Variants in IRX4 observed in about 807,000 individuals in gnomAD.
The protein encoded by IRX4 is iroquois-class homeodomain protein IRX-4.
In IRX4, 22 loss-of-function variants were observed where a neutral mutation model predicts 32.0. The observed-to-expected ratio is 0.69, with a 90% CI of 0.49 to 0.98. IRX4 has a LOEUF of 0.98. Ranked by LOEUF, IRX4 falls within the 50% of genes least tolerant of loss-of-function variation. IRX4 has a pLI of 0.00. For missense variants in IRX4, 840 were observed against 744.2 expected, an observed-to-expected ratio of 1.13 and a Z score of -1.50; for synonymous variants, 379 against 351.7, an observed-to-expected ratio of 1.08 and a Z score of -0.87.
At chr5:1,885,241 C>T (rs1015147296), upstream of IRX4, among the ~76,000 whole-genome samples, 6 of 152,308 alleles carry the variant, frequency 3.9e-5, no homozygotes, top group Non-Finnish European at 8.8e-5. Context: ...GGAGCCGAAG[C>T]CCCAGAACAG....
rs146458207 is a variant in IRX4, at chr5:1,879,777, T to C, written c.463A>G (p.Ser155Gly). The change falls in exon 4 of 5, where the codon AGC becomes GGC. Residue 155 changes from serine (S) to glycine (G), a missense_variant. Coordinates refer to ENST00000231357, the MANE Select transcript of IRX4 (RefSeq NM_016358.3). ...TCCTGCAGCCAGGCCTTGAGCGTGC[T>C]GGTGGTCTCGCGCGTGGCGTTCTTG... is the stretch of plus-strand genomic sequence containing the variant. The part of the protein sequence containing the change: ...RRKNATRETT[S>G]TLKAWLQEHR... The C allele has an allele frequency of 6.2e-7, 1 of 1,614,164 alleles. No homozygotes were observed. Among genetic ancestry groups the C allele is most frequent in the Non-Finnish European group, 8.5e-7 (1 of 1,180,032 alleles).
At chr5:1,880,693 G>A in intron 3 of IRX4, 32 bp downstream of exon 3, 1 of 1,441,842 alleles carries the variant, frequency 6.9e-7, no homozygotes, top group South Asian at 1.1e-5. Flanking sequence ...GGCCCGTGGG[G>A]CTAGTGCTGG....
chr5:1,882,522 G>C, intron 1 of IRX4, 81 bp downstream of exon 1: 1 of 1,253,022 alleles, frequency 8.0e-7, no homozygotes, highest in Non-Finnish European at 1.1e-6. Flanking sequence ...GTCGTAGGTC[G>C]GACACTCCCC....
upstream of IRX4, among the ~76,000 whole-genome samples, chr5:1,883,638 G>A (rs1478201802): frequency 6.6e-6 from 1 of 152,174 alleles, no homozygotes; most frequent in Non-Finnish European, 1.5e-5. Flanking sequence ...TGCGCCCACC[G>A]GCTTTGCACC....
rs1349591604 is a variant in IRX4 at position 1,878,122 on chromosome 5, A to G, written c.1407T>C (p.Pro469=). 1 of 1,545,558 alleles carries G rather than the reference A, an allele frequency of 6.5e-7. No individual in the cohort carries two copies. The highest frequency in any genetic ancestry group is 2.4e-5 in the East Asian group (1 of 41,580). The change falls in exon 5 of 5, where the codon CCT becomes CCC. Residue 469 remains proline (P), a synonymous_variant. Transcript: ENST00000231357. ...TAKGALLDPG[P]LGRSLGAGAN... ...CGCCCGCCCCCAGCGAGCGTCCCAGAGGCCCGGGGTCCAGGAGGGCGCCCT... is the reference window on the plus strand; with the variant it reads ...CGCCCGCCCCCAGCGAGCGTCCCAGGGGCCCGGGGTCCAGGAGGGCGCCCT...
At chr5:1,881,777 G>C in intron 2 of IRX4, 31 bp downstream of exon 2, 2 of 1,563,066 alleles carry the variant, frequency 1.3e-6, no homozygotes, top group African/African-American at 1.4e-5. Context: ...AGGGCCAGGG[G>C]CAGGGCAAGG....
At chr5:1,879,881 G>A (rs1441121383) in intron 3 of IRX4, 49 bp from the exon 4 acceptor site, 3 of 1,605,716 alleles carry the variant, frequency 1.9e-6, no homozygotes, top group East Asian at 2.2e-5. Context: ...CTGGGCCCCA[G>A]GCATCATGGG....
Position 1,879,733 on chromosome 5 carries a change from G to A in IRX4, c.507C>T (p.Tyr169=). ...GCATGATCTTCTCGCCCTTGGTGGG[G>A]TAGGGGTTCTTGCGGTGCTCCTGCA... The part of the protein sequence containing the change: ...AWLQEHRKNP[Y]PTKGEKIMLA... The change falls in exon 4 of 5, where the codon TAC becomes TAT. Residue 169 remains tyrosine, a synonymous_variant. Transcript: ENST00000231357. 2 of 1,614,264 alleles carry A rather than the reference G, an allele frequency of 1.2e-6. No homozygotes were observed. The highest frequency in any genetic ancestry group is 1.7e-6 in the Non-Finnish European group (2 of 1,180,050).
chr5:1,880,659 G>A, intron 3 of IRX4, 66 bp downstream of exon 3: 1 of 1,030,692 alleles, frequency 9.7e-7, no homozygotes, highest in Non-Finnish European at 1.5e-6. Flanking sequence ...TGGTGGAGGG[G>A]AGTTGGTGGC....
upstream of IRX4, among the ~76,000 whole-genome samples, chr5:1,885,050 C>T (rs1440222379): frequency 1.3e-5 from 2 of 152,206 alleles, no homozygotes; most frequent in East Asian, 3.9e-4. Flanking sequence ...GTCCTTTCCT[C>T]ACCTATACTC....
At chr5:1,886,290 G>T (rs369357892), upstream of IRX4, among the ~76,000 whole-genome samples, 36 of 152,360 alleles carry the variant, frequency 2.4e-4, no homozygotes, top group African/African-American at 7.5e-4. Context: ...CCAGCCCAGA[G>T]AAGTTAACTC....
At position 1,878,250 on chromosome 5, in the gene IRX4, G is replaced by A. The variant is rs1484935677; in HGVS notation, c.1279C>T (p.His427Tyr). The change falls in exon 5 of 5, where the codon CAC becomes TAC. Residue 427 changes from histidine (H) to tyrosine (Y), a missense_variant. By Grantham distance (83) the His-to-Tyr change is moderately conservative. Around this residue, in one of 3 missense-constraint regions of IRX4, gnomAD observed 585 missense variants for 488.0 expected, o/e 1.20. Coordinates refer to ENST00000231357, the MANE Select transcript of IRX4 (RefSeq NM_016358.3). The part of the protein sequence containing the change: ...ALPHSGALDR[H>Y]QDSPVTSLRN... ...AGACTGGTTACCGGGGAGTCCTGGT[G>A]CCTGTCCAGGGCGCCAGAGTGGGGA... 5 of 1,603,904 alleles carry A rather than the reference G, an allele frequency of 3.1e-6. No homozygotes were observed. Among genetic ancestry groups the A allele is most frequent in the Non-Finnish European group, 4.3e-6 (5 of 1,176,276 alleles).
intron 3 of IRX4, 190 bp from the exon 4 acceptor site, chr5:1,880,022 T>C: frequency 6.6e-7 from 1 of 1,517,494 alleles, no homozygotes. Context: ...CTGGCACTTG[T>C]CTTCTGTGGC....
Position 1,878,642 on chromosome 5 carries a change from G to C in IRX4, c.887C>G (p.Pro296Arg), listed in dbSNP as rs200715313. The C allele has an allele frequency of 4.2e-5, 67 of 1,591,568 alleles. No individual in the cohort carries two copies. The highest frequency in any genetic ancestry group is 5.3e-5 in the Non-Finnish European group (62 of 1,170,004). Residue 296 changes from proline to arginine, a missense_variant, in exon 5 of 5, where the codon CCG (proline) becomes CGG (arginine). Physicochemically the swap from Pro to Arg is moderately radical, Grantham distance 103. Transcript: ENST00000231357. ...LERVPAAPDG[P>R]VKEASGALRM... is the part of the protein sequence containing the mutation. ...GAGCGCGCCTGAGGCCTCCTTGACC[G>C]GGCCGTCGGGCGCGGCGGGGACGCG...
Position 1,878,144 on chromosome 5 carries a change from C to T in IRX4, c.1385G>A (p.Gly462Asp). The T allele has an allele frequency of 6.4e-7, 1 of 1,556,736 alleles. No individual in the cohort carries two copies. ...TLNQAWATAKGALLDPGPLGR... is the reference protein window; with the variant it reads ...TLNQAWATAKDALLDPGPLGR... Reference sequence around the variant, plus strand: ...CAGAGGCCCGGGGTCCAGGAGGGCGCCCTTGGCGGTGGCCCAGGCCTGGTT... The same window carrying T: ...CAGAGGCCCGGGGTCCAGGAGGGCGTCCTTGGCGGTGGCCCAGGCCTGGTT... The change falls in exon 5 of 5, where the codon GGC becomes GAC. Residue 462 changes from glycine (G) to aspartate (D), a missense_variant. This residue lies in a region of IRX4 where 585 missense variants were observed against 488.0 expected (regional missense o/e 1.20). Coordinates refer to ENST00000231357, the MANE Select transcript of IRX4 (RefSeq NM_016358.3).
intron 3 of IRX4, chr5:1,880,124 G>C: frequency 6.5e-7 from 1 of 1,535,606 alleles, no homozygotes; most frequent in African/African-American, 1.4e-5. Context: ...TTATGGGGAT[G>C]ACCGCCTAGC....
rs868373822 is a variant in IRX4 at position 1,881,870 on chromosome 5, C to T, written c.235G>A (p.Gly79Arg). ...ACGTAGTTGCCATAGCCCTGCGATCCGCCATAGGGACCCCCATAGACGCCC... is the reference window on the plus strand; with the variant it reads ...ACGTAGTTGCCATAGCCCTGCGATCTGCCATAGGGACCCCCATAGACGCCC... ...ALGVYGGPYG[G>R]SQGYGNYVTY... The change falls in exon 2 of 5, where the codon GGA (glycine) becomes AGA (arginine). Residue 79 changes from glycine to arginine, a missense_variant. By Grantham distance (125) the Gly-to-Arg change is moderately radical. This residue lies in a region of IRX4 where 241 missense variants were observed against 220.8 expected (regional missense o/e 1.09). Transcript: ENST00000231357. The T allele has an allele frequency of 1.9e-6, 3 of 1,583,740 alleles. No homozygotes were observed. Among genetic ancestry groups the T allele is most frequent in the African/African-American group, 1.3e-5 (1 of 74,220 alleles).
upstream of IRX4, among the ~76,000 whole-genome samples, chr5:1,883,112 G>C (rs919149698): frequency 6.6e-6 from 1 of 152,100 alleles, no homozygotes; most frequent in Non-Finnish European, 1.5e-5. Context: ...GTGGACGGAG[G>C]GGCCATTCCT....
Position 1,877,952 on chromosome 5 carries a change from C to G in IRX4, c.*17G>C. The G allele has an allele frequency of 1.3e-6, 2 of 1,493,776 alleles. No homozygotes were observed. The highest frequency in any genetic ancestry group is 1.8e-6 in the Non-Finnish European group (2 of 1,125,814). 92.5% of individuals were successfully genotyped at this position (1,493,776 alleles called of 1,614,324 possible). A position where few individuals can be genotyped will look rare whatever the true frequency, so the allele number is the denominator to read the frequency against. ...GCCTGAGCGCGGGTTCCCTCCTGGG[C>G]TCGGGACCCGCCCGCCTCAGGCGCA... is the stretch of plus-strand genomic sequence containing the variant. On this transcript the variant is annotated 3_prime_UTR_variant, in exon 5 of 5. Transcript: ENST00000231357.
Sources: gnomAD v4.1 joint callset for allele counts (sites outside exome capture counted in the v4.1 genomes callset) on GRCh38, gnomAD v4.1.1 for gene constraint, gnomAD v4.1.1 regional missense constraint, MANE v1.5 for transcripts, NCBI Gene and HGNC (gene_info 2026-07-23, HGNC 2026-07-21) for gene names.